Variants in AEBP2 observed in about 807,000 individuals in gnomAD.
AEBP2 encodes the protein zinc finger protein AEBP2.
AEBP2 carries 10 observed loss-of-function variants against 50.8 expected under a neutral mutation model. The observed-to-expected ratio is 0.20, with a 90% CI of 0.12 to 0.33. The LOEUF is 0.33. Ranked by LOEUF, AEBP2 falls within the 10% of genes least tolerant of loss-of-function variation. The probability of loss-of-function intolerance (pLI) is 1.00; values close to 1 mark genes in which losing one functional copy is unlikely to be tolerated. For synonymous variants in AEBP2, 296 were observed against 261.3 expected (o/e 1.13, Z -1.28); for missense variants, 570 against 688.0 (o/e 0.83, Z 1.92).
At chr12:19,406,234 G>C (rs2095736212) in intron 1 of AEBP2, among the ~76,000 whole-genome samples, 1 of 151,940 alleles carries the variant, frequency 6.6e-6, no homozygotes, top group South Asian at 2.1e-4. Context: ...CAAAGTGCTG[G>C]GATTATAGGC....
intron 3 of AEBP2, among the ~76,000 whole-genome samples, chr12:19,487,497 C>T (rs1389203801): frequency 6.6e-6 from 1 of 152,090 alleles, no homozygotes; most frequent in Admixed American, 6.6e-5. Flanking sequence ...GCGGGTGGAT[C>T]ATTTGAGGTC....
rs986988800 is a variant in AEBP2 at position 19,410,138 on chromosome 12, G to C, written c.-17+5922G>C. 2.6e-5 allele frequency among the ~76,000 whole-genome samples: 4 copies of C among 152,046 alleles called. No homozygotes were observed. The East Asian group carries it at 7.7e-4, about 29-fold the overall frequency. On this transcript the variant is annotated intron_variant, in intron 1 of 3. Transcript: ENST00000538425. Reference sequence around the variant, plus strand: ...TCTCTCACTCTAAGATAGGGCCAGCGCCCTAATCTTCACTGCTCAACCTCC... The same window carrying C: ...TCTCTCACTCTAAGATAGGGCCAGCCCCCTAATCTTCACTGCTCAACCTCC...
chr12:19,484,924 C>T (rs372298089), intron 3 of AEBP2, among the ~76,000 whole-genome samples: 175 of 152,180 alleles, frequency 1.1e-3, no homozygotes, highest in Admixed American at 2.3e-3. Flanking sequence ...AGATCTTGGC[C>T]GTGACATTTG....
rs77794473 is a variant in AEBP2 at position 19,474,331 on chromosome 12, A to G, written c.987+976A>G. Among the ~76,000 whole-genome samples the G allele has an allele frequency of 7.3e-3, 1,109 of 152,342 alleles. 14 individuals are homozygous for G. Among genetic ancestry groups the G allele is most frequent in the African/African-American group, 0.025 (1,046 of 41,576 alleles). On this transcript the variant is annotated intron_variant, in intron 3 of 7. Coordinates refer to ENST00000266508, the MANE Select transcript of AEBP2 (RefSeq NM_153207.5). The stretch of plus-strand genomic sequence containing the variant: ...TAAAACCACATTTACTGGAATGAAT[A>G]CTGTGCCAGTTATTTCCCTTGGGTT...
At chr12:19,482,665 T>C (rs1948747454) in intron 3 of AEBP2, among the ~76,000 whole-genome samples, 1 of 152,194 alleles carries the variant, frequency 6.6e-6, no homozygotes, top group African/African-American at 2.4e-5. Context: ...CTATGTTTCC[T>C]GTTCTGCTAA....
At chr12:19,482,163 T>C (rs768798537) in intron 3 of AEBP2, among the ~76,000 whole-genome samples, 1 of 152,106 alleles carries the variant, frequency 6.6e-6, no homozygotes, top group African/African-American at 2.4e-5. Context: ...ACTGCAGTGA[T>C]TGTTATTGCT....
At chr12:19,467,419 A>G (rs1258676703) in intron 2 of AEBP2, among the ~76,000 whole-genome samples, 1 of 152,022 alleles carries the variant, frequency 6.6e-6, no homozygotes, top group Non-Finnish European at 1.5e-5. Context: ...TCAGCCTCCT[A>G]AGTAGCTGGG....
In AEBP2 at chr12:19,439,903, A is replaced by AGGC; in HGVS notation, c.213_215dup (p.Gly73dup). On this transcript the variant is annotated inframe_insertion, in exon 1 of 8. Coordinates refer to ENST00000266508, the MANE Select transcript of AEBP2 (RefSeq NM_153207.5). ...ACGGCGGCAGCGGTGGGGGCGGCGG[A>AGGC]GGCGGCGGCGGAGGAGTGGGGGGCG... 4.8e-6 allele frequency: 7 copies of AGGC among 1,473,014 alleles called. No individual in the cohort carries two copies. Among genetic ancestry groups the AGGC allele is most frequent in the Non-Finnish European group, 6.2e-6 (7 of 1,121,430 alleles). The allele number at this position is 1,473,014 out of a possible 1,614,324, so 91.2% of individuals were successfully genotyped here. A position where few individuals can be genotyped will look rare whatever the true frequency, so the allele number is the denominator to read the frequency against.
chr12:19,456,059 G>T (rs1458402922), intron 1 of AEBP2, among the ~76,000 whole-genome samples: 1 of 151,654 alleles, frequency 6.6e-6, no homozygotes, highest in Non-Finnish European at 1.5e-5. Context: ...ACTTAAAACT[G>T]CCACGCGCAA....
chr12:19,485,963 TTTTTTC>T (rs1488360640), intron 3 of AEBP2, among the ~76,000 whole-genome samples: 1 of 149,594 alleles, frequency 6.7e-6, no homozygotes, highest in Non-Finnish European at 1.5e-5. Flanking sequence ...TTTTTTTTTT[TTTTTTC>T]ATTTTGTTTG....
chr12:19,435,491 G>A (rs12300192), upstream of AEBP2, among the ~76,000 whole-genome samples: 57 of 152,066 alleles, frequency 3.7e-4, no homozygotes, highest in Non-Finnish European at 5.7e-4. Context: ...GTCTGTCTCA[G>A]CTCTCCACAG....
rs904096101 is a variant in AEBP2, at chr12:19,518,618, T to G, written c.*501T>G. The G allele has an allele frequency of 7.1e-7, 1 of 1,410,724 alleles. No individual in the cohort carries two copies. The highest frequency in any genetic ancestry group is 2.3e-5 in the Admixed American group (1 of 43,586). 87.4% of individuals were successfully genotyped at this position (1,410,724 alleles called of 1,614,324 possible). ...ACAATGAAAATTATCAAGAGATAAT[T>G]TACCTTTCAATTATGATAAATAGAT... On this transcript the variant is annotated 3_prime_UTR_variant, in exon 8 of 8. Transcript: ENST00000266508.
intron 2 of AEBP2, among the ~76,000 whole-genome samples, chr12:19,467,526 T>C (rs1948499005): frequency 6.6e-6 from 1 of 151,630 alleles, no homozygotes; most frequent in African/African-American, 2.4e-5. Context: ...ACACCTGACC[T>C]CAGGTGATCC....
chr12:19,500,478 A>G lies in AEBP2; in HGVS notation c.1299+257A>G, dbSNP rs547096267. 3.9e-5 allele frequency among the ~76,000 whole-genome samples: 6 copies of G among 152,320 alleles called. No individual in the cohort carries two copies. In the East Asian group the frequency reaches 1.2e-3, roughly 29 times the overall value. ...TAGGAATAATGGGATGACACACCATACAGTGTTACTAGGCATTACTGGTCT... is the reference window on the plus strand; with the variant it reads ...TAGGAATAATGGGATGACACACCATGCAGTGTTACTAGGCATTACTGGTCT... On this transcript the variant is annotated intron_variant, in intron 5 of 7. Coordinates refer to ENST00000266508, the MANE Select transcript of AEBP2 (RefSeq NM_153207.5).
intron 1 of AEBP2, among the ~76,000 whole-genome samples, chr12:19,453,836 C>T (rs1187741110): frequency 1.3e-5 from 2 of 151,794 alleles, no homozygotes; most frequent in South Asian, 2.1e-4. Flanking sequence ...CTCTGTCACC[C>T]GGGCTGGAGT....
chr12:19,423,949 A>T (rs2095747185), intron 1 of AEBP2, among the ~76,000 whole-genome samples: 1 of 152,246 alleles, frequency 6.6e-6, no homozygotes, highest in Admixed American at 6.5e-5. Context: ...TATTGGTCCC[A>T]GTATAATTAA....
At chr12:19,455,412 T>G (rs918189243) in intron 1 of AEBP2, among the ~76,000 whole-genome samples, 1 of 152,222 alleles carries the variant, frequency 6.6e-6, no homozygotes, top group African/African-American at 2.4e-5. Context: ...ACCATGTTAG[T>G]GAACTTTTCT....
intron 3 of AEBP2, among the ~76,000 whole-genome samples, chr12:19,477,149 C>T (rs75626162): frequency 2.7e-3 from 413 of 151,932 alleles, no homozygotes; most frequent in African/African-American, 9.5e-3. Flanking sequence ...TATTAATTTA[C>T]GTTGATTTTT....
At chr12:19,514,050 AGTGCAGTG>A (rs899983850) in intron 6 of AEBP2, among the ~76,000 whole-genome samples, 15 of 150,698 alleles carry the variant, frequency 1.0e-4, no homozygotes, top group Admixed American at 1.3e-4. Flanking sequence ...CCCATGCTGC[AGTGCAGTG>A]GTGCACTCTT....
Sources: allele counts gnomAD v4.1 joint callset (sites outside exome capture counted in the v4.1 genomes callset), GRCh38; gene constraint gnomAD v4.1.1; transcripts MANE v1.5; gene names NCBI Gene and HGNC (gene_info 2026-07-23, HGNC 2026-07-21).